The following MEIS1 variants were observed in gnomAD, a reference collection of about 807,000 sequenced individuals.
MEIS1 encodes the protein homeobox protein Meis1.
In MEIS1, 5 loss-of-function variants were observed where a neutral mutation model predicts 50.8. The observed-to-expected ratio is 0.10, with a 90% CI of 0.05 to 0.21. The LOEUF (loss-of-function observed/expected upper bound fraction) is 0.21. MEIS1 is among the 10% of genes least tolerant of loss of function. MEIS1 has a pLI of 1.00. For synonymous variants in MEIS1, 176 were observed against 179.3 expected (o/e 0.98, Z 0.15); for missense variants, 318 against 517.3 (o/e 0.61, Z 3.74).
At chr2:66,439,338 C>G in intron 2 of MEIS1, 1 of 1,182,560 alleles carries the variant, frequency 8.5e-7, no homozygotes, top group South Asian at 3.9e-5. Flanking sequence ...GTCGGCCCCA[C>G]GGCCATGGAC....
At chr2:66,445,031 TCCC>T (rs1553370710) in intron 6 of MEIS1, among the ~76,000 whole-genome samples, 2 of 152,038 alleles carry the variant, frequency 1.3e-5, no homozygotes, top group Non-Finnish European at 2.9e-5. Flanking sequence ...ATCATGGAGC[TCCC>T]CCCTTCTCCT....
intron 9 of MEIS1, chr2:66,562,072 C>CTTTTTTTTTTTTTTTTTTTTTTTTTTTTT (rs749406692): frequency 5.0e-4 from 31 of 62,082 alleles, no homozygotes; most frequent in South Asian, 1.7e-3. Flanking sequence ...TTTTTTTTTA[C>CTTTTTTTTTTTTTTTTTTTTTTTTTTTTT]TTTTATCAGT....
intron 9 of MEIS1, among the ~76,000 whole-genome samples, chr2:66,554,291 C>T (rs992782256): frequency 6.6e-6 from 1 of 152,188 alleles, no homozygotes; most frequent in African/African-American, 2.4e-5. Flanking sequence ...GTTGCAAATC[C>T]TAATTAAGCC....
chr2:66,556,896 T>C (rs1426143815), intron 9 of MEIS1, among the ~76,000 whole-genome samples: 5 of 125,798 alleles, frequency 4.0e-5, no homozygotes, highest in Admixed American at 2.8e-4. Context: ...CAGAGATTCC[T>C]ATCCTCAGGA....
At chr2:66,447,102 T>C (rs1407099596) in intron 6 of MEIS1, among the ~76,000 whole-genome samples, 3 of 152,170 alleles carry the variant, frequency 2.0e-5, no homozygotes, top group Admixed American at 2.0e-4. Context: ...AACAACCTAA[T>C]GTCCTGCATG....
At chr2:66,526,490 A>G (rs957481394) in intron 8 of MEIS1, among the ~76,000 whole-genome samples, 1 of 152,192 alleles carries the variant, frequency 6.6e-6, no homozygotes, top group African/African-American at 2.4e-5. Flanking sequence ...TGGAATCACT[A>G]TAAAAATAAG....
At chr2:66,457,161 ATT>A (rs5831810) in intron 6 of MEIS1, among the ~76,000 whole-genome samples, 2,545 of 140,040 alleles carry the variant, frequency 0.018, 34 homozygotes, top group African/African-American at 0.036. Flanking sequence ...ATTTCTAGGG[ATT>A]TTTTTTTTTT....
chr2:66,534,077 C>T (rs1338112059), intron 8 of MEIS1, among the ~76,000 whole-genome samples: 10 of 152,034 alleles, frequency 6.6e-5, no homozygotes, highest in African/African-American at 7.2e-5. Context: ...CAATTTGATG[C>T]GTGTTGTCTC....
intron 7 of MEIS1, among the ~76,000 whole-genome samples, chr2:66,466,167 C>T (rs900057518): frequency 6.6e-6 from 1 of 152,182 alleles, no homozygotes; most frequent in African/African-American, 2.4e-5. Flanking sequence ...TACAAAGAAG[C>T]TGAGTGATTT....
At chr2:66,461,542 G>A (rs1672517482) in intron 6 of MEIS1, among the ~76,000 whole-genome samples, 2 of 152,206 alleles carry the variant, frequency 1.3e-5, no homozygotes, top group Admixed American at 1.3e-4. Flanking sequence ...TCACTTCAGA[G>A]AAGTGCATTC....
In MEIS1 at chr2:66,456,744, G is replaced by A. The variant is rs1672398996; in HGVS notation, c.631-7365G>A. ...CAAAAGGAGAGTTGGTGGAGAAAGT[G>A]GATAAAGTGTGTGAGGGAGGTAGCC... On this transcript the variant is annotated intron_variant, in intron 6 of 12. Coordinates refer to ENST00000272369, the MANE Select transcript of MEIS1 (RefSeq NM_002398.3). Among the ~76,000 whole-genome samples the A allele has an allele frequency of 2.0e-5, 3 of 152,232 alleles. No individual in the cohort carries two copies. In the South Asian group the frequency reaches 6.2e-4, roughly 31 times the overall value.
chr2:66,441,134 G>T, intron 4 of MEIS1: 1 of 429,854 alleles, frequency 2.3e-6, no homozygotes. Context: ...GGGGTGGGGT[G>T]GGGCCAGTGG....
At chr2:66,477,145 G>C (rs1160628982) in intron 7 of MEIS1, among the ~76,000 whole-genome samples, 1 of 152,164 alleles carries the variant, frequency 6.6e-6, no homozygotes, top group Non-Finnish European at 1.5e-5. Context: ...GTTGTGGCGT[G>C]GTTGGATGGA....
intron 5 of MEIS1, 64 bp downstream of exon 5, chr2:66,441,528 T>A (rs1262946986): frequency 7.5e-7 from 1 of 1,325,798 alleles, no homozygotes; most frequent in Non-Finnish European, 1.0e-6. Context: ...GGGGGGAGGG[T>A]TCCGAATGGC....
At chr2:66,440,035 CT>C (rs1221581554) in intron 3 of MEIS1, 51 bp downstream of exon 3, 2 of 1,523,398 alleles carry the variant, frequency 1.3e-6, no homozygotes, top group African/African-American at 3.0e-5. Flanking sequence ...AGAGCCCCCC[CT>C]TCGCCAACAC....
At chr2:66,500,950 T>C (rs1673539512) in intron 7 of MEIS1, among the ~76,000 whole-genome samples, 2 of 152,146 alleles carry the variant, frequency 1.3e-5, no homozygotes. Flanking sequence ...GTTGTCTTTG[T>C]GTGTTTGTGT....
At chr2:66,491,378 A>G (rs974442618) in intron 7 of MEIS1, among the ~76,000 whole-genome samples, 4 of 152,218 alleles carry the variant, frequency 2.6e-5, no homozygotes, top group Admixed American at 2.6e-4. Context: ...AGGAAATCCC[A>G]TTCTTTATTA....
At position 66,435,176 on chromosome 2, in the gene MEIS1, C is replaced by T. The variant is rs1176419978; in HGVS notation, c.-681C>T. On this transcript the variant is annotated 5_prime_UTR_variant, in exon 1 of 13. Transcript: ENST00000272369. ...CTGTGCAACACACACTTTACACACGCACGGGGACTGCAAGCGGGCAGCATC... is the reference window on the plus strand; with the variant it reads ...CTGTGCAACACACACTTTACACACGTACGGGGACTGCAAGCGGGCAGCATC... The T allele has an allele frequency of 6.6e-6, 1 of 152,464 alleles. No individual in the cohort carries two copies. Among genetic ancestry groups the T allele is most frequent in the Non-Finnish European group, 1.5e-5 (1 of 68,216 alleles). The allele number at this position is 152,464 out of a possible 1,614,324, so 9.4% of individuals were successfully genotyped here.
At chr2:66,466,927 A>G (rs1208010230) in intron 7 of MEIS1, among the ~76,000 whole-genome samples, 3 of 148,986 alleles carry the variant, frequency 2.0e-5, no homozygotes, top group South Asian at 4.3e-4. Flanking sequence ...CCACTTCATT[A>G]TGGCACCTGT....
Sources: allele counts gnomAD v4.1 joint callset (sites outside exome capture counted in the v4.1 genomes callset), GRCh38; gene constraint gnomAD v4.1.1; transcripts MANE v1.5; gene names NCBI Gene and HGNC (gene_info 2026-07-23, HGNC 2026-07-21).